Variants in RIMS1 observed in about 807,000 individuals in gnomAD.
RIMS1 encodes regulating synaptic membrane exocytosis protein 1.
A neutral mutation model predicts 214.1 loss-of-function variants in RIMS1; 83 were observed. That is an observed-to-expected ratio of 0.39 (90% CI 0.32 to 0.47). RIMS1 has a LOEUF of 0.47. Among genes scored for constraint, RIMS1 ranks in the 20% least tolerant of loss-of-function variants. The pLI is 0.99. For synonymous variants in RIMS1, 793 were observed against 786.8 expected, an observed-to-expected ratio of 1.01 and a Z score of -0.13; for missense variants, 2,050 against 2,161.8, an observed-to-expected ratio of 0.95 and a Z score of 1.03.
intron 4 of RIMS1, among the ~76,000 whole-genome samples, chr6:72,111,559 T>G (rs2036090402): frequency 3.9e-5 from 6 of 152,200 alleles, no homozygotes; most frequent in Admixed American, 3.9e-4. Context: ...GATTCCTCAG[T>G]AAAGTTCCAC....
At chr6:72,308,768 G>A (rs2095363627) in intron 27 of RIMS1, among the ~76,000 whole-genome samples, 1 of 152,046 alleles carries the variant, frequency 6.6e-6, no homozygotes, top group Non-Finnish European at 1.5e-5. Flanking sequence ...CCAAAAAAAT[G>A]GTAAGCAAAA....
chr6:72,155,172 A>G (rs1040994472), intron 4 of RIMS1, among the ~76,000 whole-genome samples: 4 of 140,822 alleles, frequency 2.8e-5, no homozygotes, highest in African/African-American at 9.8e-5. Flanking sequence ...GCTGCCGTGA[A>G]GTCCTCTAAC....
intron 2 of RIMS1, among the ~76,000 whole-genome samples, chr6:72,032,029 A>G (rs192871591): frequency 6.6e-6 from 1 of 152,278 alleles, no homozygotes; most frequent in African/African-American, 2.4e-5. Context: ...CTTCTTGTAG[A>G]GGGTCATACT....
chr6:71,966,098 T>C (rs1004192122), intron 1 of RIMS1, among the ~76,000 whole-genome samples: 27 of 152,180 alleles, frequency 1.8e-4, no homozygotes, highest in African/African-American at 6.3e-4. Flanking sequence ...TTTAAAGAAA[T>C]GGTAATCCAC....
At chr6:71,952,595 A>G (rs1376990244) in intron 1 of RIMS1, among the ~76,000 whole-genome samples, 2 of 152,212 alleles carry the variant, frequency 1.3e-5, no homozygotes, top group East Asian at 3.9e-4. Context: ...ACTGCGAAAC[A>G]CCAGGAAAAC....
chr6:72,378,398 A>G (rs2098426785), intron 29 of RIMS1, among the ~76,000 whole-genome samples: 1 of 152,256 alleles, frequency 6.6e-6, no homozygotes, highest in Admixed American at 6.5e-5. Flanking sequence ...TACAGAATAT[A>G]GAAAACACTT....
intron 1 of RIMS1, among the ~76,000 whole-genome samples, chr6:71,918,486 G>A (rs1472624034): frequency 1.3e-5 from 2 of 152,162 alleles, no homozygotes; most frequent in African/African-American, 4.8e-5. Flanking sequence ...CATAATTGGA[G>A]TGGATTCAAG....
At chr6:72,177,927 C>A (rs889702302) in intron 4 of RIMS1, among the ~76,000 whole-genome samples, 1 of 152,090 alleles carries the variant, frequency 6.6e-6, no homozygotes, top group Non-Finnish European at 1.5e-5. Context: ...TAAAATATAC[C>A]CTTATTTGGC....
At chr6:72,387,282 T>G (rs1036151840) in intron 29 of RIMS1, among the ~76,000 whole-genome samples, 3 of 152,238 alleles carry the variant, frequency 2.0e-5, no homozygotes, top group Non-Finnish European at 4.4e-5. Flanking sequence ...CCTCACCGTT[T>G]AGATTTAATG....
In RIMS1 at chr6:72,211,732, T is replaced by C. The variant is rs142892291; in HGVS notation, c.1679-22041T>C. Among the ~76,000 whole-genome samples the C allele has an allele frequency of 7.2e-5, 11 of 152,212 alleles. No homozygotes were observed. In the East Asian group the frequency reaches 2.1e-3, roughly 29 times the overall value. On this transcript the variant is annotated intron_variant, in intron 6 of 33. Transcript: ENST00000521978. ...AGGACTATGGAGGAATAAAAAGGAA[T>C]TTCTAAGATATTATATGTGATCAAT...
intron 1 of RIMS1, among the ~76,000 whole-genome samples, chr6:71,950,917 C>T (rs529109729): frequency 3.9e-5 from 6 of 152,178 alleles, no homozygotes; most frequent in South Asian, 4.1e-4. Flanking sequence ...TTCTTATTTA[C>T]GTATTTTATT....
At chr6:71,960,969 C>A (rs542544692) in intron 1 of RIMS1, among the ~76,000 whole-genome samples, 3 of 152,052 alleles carry the variant, frequency 2.0e-5, no homozygotes, top group East Asian at 3.9e-4. Context: ...GACATAGTGA[C>A]CCCACTAAAT....
intron 29 of RIMS1, among the ~76,000 whole-genome samples, chr6:72,363,948 G>A (rs760517275): frequency 3.3e-5 from 5 of 152,180 alleles, no homozygotes; most frequent in East Asian, 1.9e-4. Flanking sequence ...ACAGCTTCCC[G>A]TTCCTGTGGG....
chr6:72,240,259 A>G (rs909541082), intron 9 of RIMS1, among the ~76,000 whole-genome samples: 2 of 152,168 alleles, frequency 1.3e-5, no homozygotes, highest in African/African-American at 4.8e-5. Flanking sequence ...TTAATTTGAT[A>G]TTAAAAGTTA....
intron 22 of RIMS1, among the ~76,000 whole-genome samples, chr6:72,267,578 C>T (rs2081173842): frequency 6.6e-6 from 1 of 152,070 alleles, no homozygotes; most frequent in South Asian, 2.1e-4. Context: ...GCATAATAAG[C>T]CATAGATACT....
At chr6:72,225,378 T>C (rs2059888056) in intron 6 of RIMS1, among the ~76,000 whole-genome samples, 1 of 152,238 alleles carries the variant, frequency 6.6e-6, no homozygotes, top group Non-Finnish European at 1.5e-5. Flanking sequence ...TATCCATCTT[T>C]ACATTTTTTA....
At chr6:71,968,364 C>T (rs1794992608) in intron 1 of RIMS1, among the ~76,000 whole-genome samples, 1 of 152,278 alleles carries the variant, frequency 6.6e-6, no homozygotes, top group African/African-American at 2.4e-5. Context: ...GGCACAAAGA[C>T]ATTTAATTAC....
intron 1 of RIMS1, among the ~76,000 whole-genome samples, chr6:71,954,256 T>C (rs16881966): frequency 0.079 from 12,013 of 152,248 alleles, 573 homozygotes; most frequent in Middle Eastern, 0.11. Context: ...TTTTAGGATT[T>C]TCCCAGCAAT....
chr6:72,176,174 TC>T (rs2153962859), intron 4 of RIMS1, among the ~76,000 whole-genome samples: 1 of 152,300 alleles, frequency 6.6e-6, no homozygotes, highest in East Asian at 1.9e-4. Context: ...TTGGAACACA[TC>T]CCAGGGTATT....
Sources: gnomAD v4.1 joint callset for allele counts (sites outside exome capture counted in the v4.1 genomes callset) on GRCh38, gnomAD v4.1.1 for gene constraint, MANE v1.5 for transcripts, NCBI Gene and HGNC (gene_info 2026-07-23, HGNC 2026-07-21) for gene names.